The following PRKCZ variants were observed in gnomAD, a reference collection of about 807,000 sequenced individuals.
The protein encoded by PRKCZ is protein kinase C zeta, also known as protein kinase C zeta type.
A neutral mutation model predicts 79.5 loss-of-function variants in PRKCZ; 33 were observed. That is an observed-to-expected ratio of 0.41 (90% CI 0.31 to 0.55). PRKCZ has a LOEUF of 0.55. Ranked by LOEUF, PRKCZ falls within the 20% of genes least tolerant of loss-of-function variation. The pLI is 0.19. For missense variants in PRKCZ, 578 were observed against 813.5 expected (o/e 0.71, Z 3.52); for synonymous variants, 342 against 320.9 (o/e 1.07, Z -0.70).
At chr1:2,169,791 CG>C (rs1245238931) in intron 11 of PRKCZ, among the ~76,000 whole-genome samples, 187 bp downstream of exon 11, 1 of 7,704 alleles carries the variant, frequency 1.3e-4, no homozygotes, top group Admixed American at 1.7e-3. Flanking sequence ...GGGGGTATGA[CG>C]GGGGCGGGGG....
chr1:2,132,025 A>T (rs532377652), intron 4 of PRKCZ, among the ~76,000 whole-genome samples: 6 of 152,216 alleles, frequency 3.9e-5, no homozygotes, highest in East Asian at 1.9e-4. Context: ...GTTAGCCAGG[A>T]TGGTCTCGAT....
chr1:2,113,259 G>A (rs746348556), intron 4 of PRKCZ, among the ~76,000 whole-genome samples: 4 of 152,170 alleles, frequency 2.6e-5, no homozygotes, highest in Non-Finnish European at 2.9e-5. Context: ...AAAGGCAGCC[G>A]CCCCGTTTCC....
intron 4 of PRKCZ, among the ~76,000 whole-genome samples, chr1:2,061,708 G>T (rs1324747452): frequency 2.0e-5 from 3 of 152,182 alleles, no homozygotes; most frequent in East Asian, 1.9e-4. Context: ...ATGTCCACCC[G>T]GACGTGGGTT....
intron 4 of PRKCZ, among the ~76,000 whole-genome samples, chr1:2,085,830 G>A (rs1224454259): frequency 1.3e-5 from 2 of 152,096 alleles, no homozygotes; most frequent in East Asian, 1.9e-4. Context: ...GCCCGGGCCC[G>A]GCTCCCCTCT....
chr1:2,160,803 G>C (rs944585832), intron 10 of PRKCZ, among the ~76,000 whole-genome samples: 3 of 152,160 alleles, frequency 2.0e-5, no homozygotes, highest in Non-Finnish European at 4.4e-5. Flanking sequence ...GAGCCAGCCT[G>C]GACGTGGAGG....
At chr1:2,077,762 G>C (rs1662712390) in intron 4 of PRKCZ, among the ~76,000 whole-genome samples, 1 of 152,168 alleles carries the variant, frequency 6.6e-6, no homozygotes, top group South Asian at 2.1e-4. Context: ...ACACATTTCT[G>C]CTGCTATTTC....
At chr1:2,143,582 A>G (rs376734221) in intron 5 of PRKCZ, 1 of 152,270 alleles carries the variant, frequency 6.6e-6, no homozygotes, top group Non-Finnish European at 1.5e-5. Flanking sequence ...TAACATTTAA[A>G]CGTTCATGAA....
chr1:2,174,977 C>T lies in PRKCZ; in HGVS notation c.1485+144C>T, dbSNP rs1416351553. 2 of 888,714 alleles carry T rather than the reference C, an allele frequency of 2.3e-6. No individual in the cohort carries two copies. Among genetic ancestry groups the T allele is most frequent in the Admixed American group, 2.3e-5 (1 of 43,616 alleles). The allele number at this position is 888,714 out of a possible 1,614,324, so 55.1% of individuals were successfully genotyped here. ...TTGATTTTCCGCTTCAGTATTTGAG[C>T]TCTGTGTTCTGTGAATCGTCCGTTT... is the stretch of plus-strand genomic sequence containing the variant. On this transcript the variant is annotated intron_variant, in intron 15 of 17. Transcript: ENST00000378567. The surrounding 1 kb of genome is among the most constrained non-coding windows in gnomAD (Gnocchi z 6.2).
At chr1:2,148,486 G>C (rs1267126435) in intron 7 of PRKCZ, among the ~76,000 whole-genome samples, 1 of 152,064 alleles carries the variant, frequency 6.6e-6, no homozygotes, top group Non-Finnish European at 1.5e-5. Context: ...ATTGTGCACT[G>C]ACCTCTCCAT....
At chr1:2,097,887 G>A (rs1666793853) in intron 4 of PRKCZ, among the ~76,000 whole-genome samples, 1 of 152,248 alleles carries the variant, frequency 6.6e-6, no homozygotes, top group Non-Finnish European at 1.5e-5. Flanking sequence ...CGAGGGAGGT[G>A]GAGGTCTCAT....
At chr1:2,083,391 A>C (rs576389350) in intron 4 of PRKCZ, among the ~76,000 whole-genome samples, 3 of 152,198 alleles carry the variant, frequency 2.0e-5, no homozygotes, top group Non-Finnish European at 4.4e-5. Context: ...CGTGGGCTGT[A>C]GCTGCCAGTG....
Position 2,172,468 on chromosome 1 carries a change from G to A in PRKCZ, c.1285+80G>A, listed in dbSNP as rs1684620776. The A allele has an allele frequency of 6.2e-6, 9 of 1,445,110 alleles. No homozygotes were observed. The highest frequency in any genetic ancestry group is 8.4e-6 in the Non-Finnish European group (9 of 1,069,768). The allele number at this position is 1,445,110 out of a possible 1,614,324, so 89.5% of individuals were successfully genotyped here. A position where few individuals can be genotyped will look rare whatever the true frequency, so the allele number is the denominator to read the frequency against. On this transcript the variant is annotated intron_variant, in intron 13 of 17. Transcript: ENST00000378567. The surrounding 1 kb of genome is among the most constrained non-coding windows in gnomAD (Gnocchi z 7.8). ...GGGCCTGGCCCAGCAGCCAGGGAGA[G>A]GTGTCCTTGACCATCTTACACCCAA...
chr1:2,059,545 C>G lies in PRKCZ; in HGVS notation c.288C>G (p.Phe96Leu), dbSNP rs200302049. Residue 96 changes from phenylalanine to leucine, a missense_variant, in exon 4 of 18, where the codon TTC becomes TTG. Physicochemically the swap from Phe to Leu is conservative, Grantham distance 22. Around this residue, in one of 4 missense-constraint regions of PRKCZ, gnomAD observed 228 missense variants for 211.6 expected, o/e 1.08. Transcript: ENST00000378567. ...CTCTTTCTCTCTCTTGTCCAGTTTT[C>G]CCGAGCACCCCTGAGCAGCCTGGCC... is the stretch of plus-strand genomic sequence containing the variant. Reference protein sequence around the residue: ...CRDEGLIIHVFPSTPEQPGLP... With the variant: ...CRDEGLIIHVLPSTPEQPGLP... 46 of 1,614,074 alleles carry G rather than the reference C, an allele frequency of 2.8e-5. No homozygotes were observed. The East Asian group carries it at 9.8e-4, about 34-fold the overall frequency.
intron 9 of PRKCZ, 134 bp from the exon 10 acceptor site, chr1:2,155,861 G>T: frequency 1.4e-6 from 1 of 728,952 alleles, no homozygotes; most frequent in South Asian, 1.5e-5. Flanking sequence ...GTTCCTAATG[G>T]GTGTTTTCTT....
chr1:2,082,846 C>T lies in PRKCZ; in HGVS notation c.334+23255C>T, dbSNP rs940536693. ...GAGAGGGTGGAGGGGCGGCCAAGGG[C>T]GTGAGGGAGAGGGTGGAGGGGTGGT... is the stretch of plus-strand genomic sequence containing the variant. On this transcript the variant is annotated intron_variant, in intron 4 of 17. Coordinates refer to ENST00000378567, the MANE Select transcript of PRKCZ (RefSeq NM_002744.6). This position sits in a 1 kb window ranked among gnomAD's most constrained non-coding sequence, Gnocchi z 4.4. Among the ~76,000 whole-genome samples, 5 of 149,164 alleles carry T rather than the reference C, an allele frequency of 3.4e-5. No homozygotes were observed. The highest frequency in any genetic ancestry group is 7.4e-5 in the African/African-American group (3 of 40,308).
At chr1:2,175,176 GC>G in intron 15 of PRKCZ, 47 bp from the exon 16 acceptor site, 1 of 1,545,962 alleles carries the variant, frequency 6.5e-7, no homozygotes, top group Non-Finnish European at 8.9e-7. Flanking sequence ...GGGTCATGGG[GC>G]TTCCGGGATG....
intron 4 of PRKCZ, among the ~76,000 whole-genome samples, chr1:2,099,153 G>A (rs1667034733): frequency 6.6e-6 from 1 of 152,186 alleles, no homozygotes; most frequent in Non-Finnish European, 1.5e-5. Flanking sequence ...ACACAGCTGT[G>A]TGGGACCCGG....
rs549250004 is a variant in PRKCZ, at chr1:2,059,479, C to T, written c.284-62C>T. On this transcript the variant is annotated intron_variant, in intron 3 of 17. Coordinates refer to ENST00000378567, the MANE Select transcript of PRKCZ (RefSeq NM_002744.6). ...AGCCTGACTGAGGCGGGACTTCCTCCGTGAGACTGTTGAGTGGCAGCCGCA... is the reference window on the plus strand; with the variant it reads ...AGCCTGACTGAGGCGGGACTTCCTCTGTGAGACTGTTGAGTGGCAGCCGCA... The T allele has an allele frequency of 5.8e-5, 93 of 1,590,716 alleles. No homozygotes were observed. The African/African-American group carries it at 8.7e-4, about 15-fold the overall frequency.
chr1:2,080,848 G>A (rs888246078), intron 4 of PRKCZ, among the ~76,000 whole-genome samples: 7 of 152,106 alleles, frequency 4.6e-5, no homozygotes, highest in Admixed American at 1.3e-4. Flanking sequence ...AACGACCTTC[G>A]TAGTTTTAAG....
Sources: gnomAD v4.1 joint callset for allele counts (sites outside exome capture counted in the v4.1 genomes callset) on GRCh38, gnomAD v4.1.1 for gene constraint, gnomAD v4.1.1 regional missense constraint, Gnocchi (gnomAD v3.1) non-coding constraint, MANE v1.5 for transcripts, NCBI Gene and HGNC (gene_info 2026-07-23, HGNC 2026-07-21) for gene names.